The following BCAS1 variants were observed in gnomAD, a reference collection of about 807,000 sequenced individuals.
BCAS1 encodes breast carcinoma-amplified sequence 1.
In BCAS1, 46 loss-of-function variants were observed where a neutral mutation model predicts 65.4. That is an observed-to-expected ratio of 0.70 (90% CI 0.55 to 0.90). The LOEUF is 0.90. Ranked by LOEUF, BCAS1 falls within the 40% of genes least tolerant of loss-of-function variation. BCAS1 has a pLI of 0.00. For missense variants in BCAS1, 793 were observed against 771.2 expected, an observed-to-expected ratio of 1.03 and a Z score of -0.33; for synonymous variants, 298 against 293.5, an observed-to-expected ratio of 1.02 and a Z score of -0.16.
chr20:54,003,090 C>T (rs1360689054), intron 4 of BCAS1, among the ~76,000 whole-genome samples: 3 of 152,100 alleles, frequency 2.0e-5, no homozygotes, highest in African/African-American at 4.8e-5. Flanking sequence ...GAGACAAGGT[C>T]GTCTCATGGA....
At chr20:54,018,415 T>C (rs899633300) in intron 4 of BCAS1, among the ~76,000 whole-genome samples, 17 of 151,488 alleles carry the variant, frequency 1.1e-4, no homozygotes, top group African/African-American at 3.4e-4. Flanking sequence ...TTTTTTTTTT[T>C]TTTCGAGACA....
chr20:54,056,872 G>T (rs963328294), intron 3 of BCAS1, among the ~76,000 whole-genome samples: 1 of 152,090 alleles, frequency 6.6e-6, no homozygotes, highest in Non-Finnish European at 1.5e-5. Context: ...TATCAGTCAG[G>T]CACTGTAATA....
At chr20:54,044,711 G>A (rs1314119524) in intron 3 of BCAS1, among the ~76,000 whole-genome samples, 3 of 151,612 alleles carry the variant, frequency 2.0e-5, no homozygotes, top group African/African-American at 4.8e-5. Flanking sequence ...GGTGGCACGC[G>A]CCTGTAATCT....
chr20:53,951,888 T>C (rs531700875), intron 12 of BCAS1, among the ~76,000 whole-genome samples: 4 of 152,312 alleles, frequency 2.6e-5, no homozygotes, highest in Admixed American at 2.6e-4. Flanking sequence ...CTATTACATC[T>C]TGTGGGATAG....
intron 4 of BCAS1, among the ~76,000 whole-genome samples, chr20:54,024,700 G>A (rs1428940547): frequency 6.6e-6 from 1 of 152,182 alleles, no homozygotes; most frequent in African/African-American, 2.4e-5. Context: ...TACCAGGGAG[G>A]TGGAAGGATG....
intron 5 of BCAS1, among the ~76,000 whole-genome samples, chr20:53,995,333 A>C (rs8120953): frequency 0.36 from 55,370 of 151,986 alleles, 10,986 homozygotes; most frequent in South Asian, 0.48. Context: ...CTTCCAATAA[A>C]TTTTACCATT....
chr20:53,995,311 G>T (rs949385955), intron 5 of BCAS1, among the ~76,000 whole-genome samples: 1 of 152,124 alleles, frequency 6.6e-6, no homozygotes, highest in Non-Finnish European at 1.5e-5. Flanking sequence ...TTGTCTCCTG[G>T]AAGACCACAG....
intron 3 of BCAS1, among the ~76,000 whole-genome samples, chr20:54,054,952 C>A (rs933373253): frequency 1.3e-5 from 2 of 152,016 alleles, no homozygotes; most frequent in Admixed American, 6.5e-5. Flanking sequence ...ATGAGATATA[C>A]CTATGCATAT....
chr20:54,056,377 T>C (rs527576857), intron 3 of BCAS1, among the ~76,000 whole-genome samples: 13 of 152,304 alleles, frequency 8.5e-5, no homozygotes, highest in Non-Finnish European at 1.9e-4. Context: ...TACTGCATGT[T>C]CTCACTTGAA....
chr20:53,960,494 AAAGAG>A lies in BCAS1; in HGVS notation c.1486-3002_1486-2998del, dbSNP rs1375410927. 1.6e-3 allele frequency among the ~76,000 whole-genome samples: 140 copies of A among 86,094 alleles called. 2 individuals are homozygous for A. The highest frequency in any genetic ancestry group is 7.5e-3 in the East Asian group (30 of 4,006). 56.5% of individuals were successfully genotyped at this position (86,094 alleles called of 152,430 possible). On this transcript the variant is annotated intron_variant, in intron 10 of 12. Transcript: ENST00000688948. ...TAAAAAAAAAAAAAAAAAAAAAAAAAAAGAGAGAGAGAGTATCTCAAACTTTTCAG... is the reference window on the plus strand; with the variant it reads ...TAAAAAAAAAAAAAAAAAAAAAAAAAAGAGAGAGTATCTCAAACTTTTCAG...
rs192894207 is a variant in BCAS1 at position 54,059,148 on chromosome 20, C to T, written c.-5-425G>A. Among the ~76,000 whole-genome samples the T allele has an allele frequency of 3.3e-5, 5 of 152,228 alleles. No homozygotes were observed. In the South Asian group the frequency reaches 6.2e-4, roughly 19 times the overall value. ...TACCTCCACCTGGTCCCATCCTTGA[C>T]GTGGGGATTATGAGGATTACAATTC... On this transcript the variant is annotated intron_variant, in intron 1 of 12. Coordinates refer to ENST00000688948, the MANE Select transcript of BCAS1 (RefSeq NM_001366298.2).
At chr20:54,001,492 A>G (rs2091053190) in intron 4 of BCAS1, among the ~76,000 whole-genome samples, 1 of 152,160 alleles carries the variant, frequency 6.6e-6, no homozygotes, top group Admixed American at 6.5e-5. Flanking sequence ...GTTCTTATGG[A>G]TAACATTACT....
chr20:54,049,148 T>C (rs2092164414), intron 3 of BCAS1, among the ~76,000 whole-genome samples: 2 of 152,222 alleles, frequency 1.3e-5, no homozygotes, highest in South Asian at 2.1e-4. Context: ...CATTATGTTA[T>C]TGGCAGGAGC....
intron 4 of BCAS1, among the ~76,000 whole-genome samples, chr20:54,005,303 A>AAAACAAAACAAAACAAAACAAAACAAAAC (rs141938747): frequency 1.9e-4 from 28 of 148,258 alleles, no homozygotes; most frequent in Admixed American, 5.4e-4. Context: ...GAAACAAAGC[A>AAAACAAAACAAAACAAAACAAAACAAAAC]AAAACAAAAC....
chr20:54,030,130 A>T (rs1197451859), intron 3 of BCAS1, among the ~76,000 whole-genome samples: 1 of 152,164 alleles, frequency 6.6e-6, no homozygotes, highest in East Asian at 1.9e-4. Flanking sequence ...CTCTACCTTG[A>T]CCTAAATTAA....
At chr20:54,056,549 A>G (rs926194350) in intron 3 of BCAS1, among the ~76,000 whole-genome samples, 7 of 152,170 alleles carry the variant, frequency 4.6e-5, no homozygotes, top group Non-Finnish European at 8.8e-5. Flanking sequence ...AGACTTTGCC[A>G]CTATATAATC....
intron 9 of BCAS1, among the ~76,000 whole-genome samples, chr20:53,971,678 C>G (rs2090183635): frequency 6.6e-6 from 1 of 152,288 alleles, no homozygotes; most frequent in Admixed American, 6.5e-5. Context: ...TATTTGAAAG[C>G]AATTTAACTT....
At chr20:54,066,227 C>T (rs1001439117) in intron 1 of BCAS1, among the ~76,000 whole-genome samples, 2 of 152,182 alleles carry the variant, frequency 1.3e-5, no homozygotes, top group Non-Finnish European at 2.9e-5. Context: ...CGCCTGCCAC[C>T]ACGCCCGGCT....
chr20:54,044,078 A>C (rs552972787), intron 3 of BCAS1, among the ~76,000 whole-genome samples: 1 of 152,312 alleles, frequency 6.6e-6, no homozygotes, highest in Non-Finnish European at 1.5e-5. Context: ...TGGTGTGGTA[A>C]AAGGATATGA....
Sources: allele counts gnomAD v4.1 joint callset (sites outside exome capture counted in the v4.1 genomes callset), GRCh38; gene constraint gnomAD v4.1.1; transcripts MANE v1.5; gene names NCBI Gene and HGNC (gene_info 2026-07-23, HGNC 2026-07-21).